The following PTPRT variants were observed in gnomAD, a reference collection of about 807,000 sequenced individuals.
The protein encoded by PTPRT is protein tyrosine phosphatase receptor type T.
In PTPRT, 56 loss-of-function variants were observed where a neutral mutation model predicts 176.8. The observed-to-expected ratio is 0.32, with a 90% CI of 0.26 to 0.40. PTPRT has a LOEUF of 0.40. PTPRT is among the 10% of genes least tolerant of loss of function. The probability of loss-of-function intolerance (pLI) is 1.00; values close to 1 mark genes in which losing one functional copy is unlikely to be tolerated. For missense variants in PTPRT, 1,540 were observed against 1,908.2 expected (o/e 0.81, Z 3.60); for synonymous variants, 783 against 739.0 (o/e 1.06, Z -0.96).
At chr20:42,715,955 A>C (rs2076216640) in intron 6 of PTPRT, among the ~76,000 whole-genome samples, 1 of 152,256 alleles carries the variant, frequency 6.6e-6, no homozygotes, top group Non-Finnish European at 1.5e-5. Context: ...TGGGAACTTT[A>C]TACTTTTTAC....
chr20:42,559,363 C>G (rs746048694), intron 7 of PTPRT, among the ~76,000 whole-genome samples: 5 of 152,138 alleles, frequency 3.3e-5, no homozygotes, highest in Non-Finnish European at 5.9e-5. Context: ...AGCTTCTCGT[C>G]TTAGCAACAT....
chr20:42,335,128 AAG>A (rs2058022322), intron 11 of PTPRT, among the ~76,000 whole-genome samples: 2 of 152,212 alleles, frequency 1.3e-5, no homozygotes. Context: ...CACAGATTTC[AAG>A]AGAGATTCTG....
chr20:42,803,901 C>A (rs1476853884), intron 2 of PTPRT, among the ~76,000 whole-genome samples: 4 of 152,162 alleles, frequency 2.6e-5, no homozygotes, highest in African/African-American at 4.8e-5. Context: ...CTTGAAACTG[C>A]CTTCCCACAT....
chr20:43,127,422 CA>C (rs35897839), intron 1 of PTPRT, among the ~76,000 whole-genome samples: 10,029 of 101,234 alleles, frequency 0.099, 403 homozygotes, highest in Non-Finnish European at 0.14. Flanking sequence ...GACTCCATCT[CA>C]AAAAAAAAAA....
chr20:42,499,175 A>C (rs112165382), intron 7 of PTPRT, among the ~76,000 whole-genome samples: 1 of 152,174 alleles, frequency 6.6e-6, no homozygotes, highest in African/African-American at 2.4e-5. Context: ...TACATACTGT[A>C]CTACTGTGGC....
intron 13 of PTPRT, among the ~76,000 whole-genome samples, chr20:42,254,761 C>T (rs1014233308): frequency 2.0e-5 from 3 of 152,172 alleles, no homozygotes; most frequent in African/African-American, 7.2e-5. Flanking sequence ...CAAAGTCCTG[C>T]ATCAGAGTCA....
intron 18 of PTPRT, among the ~76,000 whole-genome samples, chr20:42,139,180 T>C (rs10485685): frequency 0.066 from 10,070 of 152,222 alleles, 634 homozygotes; most frequent in East Asian, 0.29. Flanking sequence ...CTGAATTCAC[T>C]GGTTACCTCG....
intron 15 of PTPRT, among the ~76,000 whole-genome samples, chr20:42,230,544 G>A (rs2056112868): frequency 1.3e-5 from 2 of 152,152 alleles, no homozygotes; most frequent in Admixed American, 6.5e-5. Flanking sequence ...TCCCAGAGAG[G>A]CATTTTTGTC....
In PTPRT at chr20:42,756,479, G is replaced by A; in HGVS notation, c.842C>T (p.Ala281Val). 1 of 1,583,630 alleles carries A rather than the reference G, an allele frequency of 6.3e-7. No individual in the cohort carries two copies. The highest frequency in any genetic ancestry group is 8.6e-7 in the Non-Finnish European group (1 of 1,161,488). ...GCACTCACCTTTCACGATCAGCTCC[G>A]CGTAGTTGGACACACCAGACCCACC... ...SDGGSGVSNY[A>V]ELIVKEPPTP... Residue 281 changes from alanine (A) to valine (V), a missense_variant, in exon 6 of 31, where the codon GCG becomes GTG. Around this residue, in one of 11 missense-constraint regions of PTPRT, gnomAD observed 273 missense variants for 432.1 expected, o/e 0.63. Transcript: ENST00000373187.
At chr20:42,556,413 G>A (rs1289976764) in intron 7 of PTPRT, among the ~76,000 whole-genome samples, 1 of 152,136 alleles carries the variant, frequency 6.6e-6, no homozygotes, top group Non-Finnish European at 1.5e-5. Context: ...CTTAGGCTGG[G>A]AGCTAAGCGA....
intron 17 of PTPRT, among the ~76,000 whole-genome samples, chr20:42,150,497 C>T (rs1004208425): frequency 6.6e-6 from 1 of 152,212 alleles, no homozygotes; most frequent in African/African-American, 2.4e-5. Context: ...CTGTCCAACA[C>T]TGTACTCTCC....
At chr20:42,964,430 G>C (rs1181650340) in intron 1 of PTPRT, among the ~76,000 whole-genome samples, 1 of 151,982 alleles carries the variant, frequency 6.6e-6, no homozygotes, top group African/African-American at 2.4e-5. Context: ...ATTGATAAAA[G>C]GTATAATTCA....
chr20:42,167,386 C>G (rs1262485802), intron 16 of PTPRT, among the ~76,000 whole-genome samples: 1 of 152,162 alleles, frequency 6.6e-6, no homozygotes, highest in African/African-American at 2.4e-5. Context: ...ACTACTCCAT[C>G]AGTTTCCTGA....
chr20:42,872,200 G>A (rs888140197), intron 2 of PTPRT, among the ~76,000 whole-genome samples: 2 of 152,220 alleles, frequency 1.3e-5, no homozygotes, highest in East Asian at 1.9e-4. Context: ...AAGTATGATC[G>A]TGTCAGCACA....
chr20:42,576,154 T>C (rs1012309090), intron 7 of PTPRT, among the ~76,000 whole-genome samples: 2 of 152,148 alleles, frequency 1.3e-5, no homozygotes, highest in Non-Finnish European at 2.9e-5. Flanking sequence ...TTCTCCCTCC[T>C]GGGCCTTTGT....
At chr20:42,236,197 C>G (rs762215442) in intron 15 of PTPRT, 32 bp downstream of exon 15, 1 of 1,564,722 alleles carries the variant, frequency 6.4e-7, no homozygotes, top group African/African-American at 1.4e-5. Context: ...TTACAGGGCA[C>G]GAAGCAAAGT....
intron 6 of PTPRT, chr20:42,685,922 A>C (rs1165903649): frequency 1.3e-5 from 2 of 152,038 alleles, no homozygotes; most frequent in Non-Finnish European, 2.9e-5. Context: ...TTTAGCAGTC[A>C]ATCTCCCCTC....
chr20:42,694,147 T>G (rs1387962668), intron 6 of PTPRT, among the ~76,000 whole-genome samples: 1 of 151,590 alleles, frequency 6.6e-6, no homozygotes, highest in Non-Finnish European at 1.5e-5. Flanking sequence ...CACGCCATTC[T>G]CCTGCCTCAG....
intron 7 of PTPRT, among the ~76,000 whole-genome samples, chr20:42,605,317 G>C (rs930544153): frequency 2.8e-5 from 4 of 144,406 alleles, no homozygotes; most frequent in African/African-American, 1.1e-4. Flanking sequence ...TTAGGGGCAG[G>C]CAAAGAGATT....
Sources: gnomAD v4.1 joint callset for allele counts (sites outside exome capture counted in the v4.1 genomes callset) on GRCh38, gnomAD v4.1.1 for gene constraint, gnomAD v4.1.1 regional missense constraint, MANE v1.5 for transcripts, NCBI Gene and HGNC (gene_info 2026-07-23, HGNC 2026-07-21) for gene names.